Variants in DYTN observed in about 807,000 individuals in gnomAD.
DYTN encodes the protein dystrotelin.
In DYTN, 75 loss-of-function variants were observed where a neutral mutation model predicts 69.6. That is an observed-to-expected ratio of 1.08 (90% CI 0.89 to 1.31). The LOEUF is 1.31. Among genes scored for constraint, DYTN ranks in the 50% most tolerant of loss-of-function variants. DYTN has a pLI of 0.00. For missense variants in DYTN, 726 were observed against 688.4 expected, an observed-to-expected ratio of 1.05 and a Z score of -0.61; for synonymous variants, 252 against 249.1, an observed-to-expected ratio of 1.01 and a Z score of -0.11.
intron 11 of DYTN, among the ~76,000 whole-genome samples, chr2:206,657,987 A>G (rs1300837416): frequency 6.6e-6 from 1 of 152,074 alleles, no homozygotes; most frequent in Non-Finnish European, 1.5e-5. Flanking sequence ...CAACTCCCAT[A>G]TTACAAATAT....
intron 5 of DYTN, among the ~76,000 whole-genome samples, chr2:206,703,269 G>A (rs1699993547): frequency 6.6e-6 from 1 of 152,080 alleles, no homozygotes; most frequent in Non-Finnish European, 1.5e-5. Flanking sequence ...CATCACATCC[G>A]CTTCTAAGCA....
chr2:206,695,220 C>T (rs1285661452), intron 7 of DYTN, among the ~76,000 whole-genome samples: 4 of 152,062 alleles, frequency 2.6e-5, no homozygotes, highest in Non-Finnish European at 5.9e-5. Context: ...TCTGCAGCTG[C>T]GTTTTGTGCA....
rs141053628 is a variant in DYTN, at chr2:206,665,275, T to A, written c.1140+595A>T. Among the ~76,000 whole-genome samples, 4 of 152,300 alleles carry A rather than the reference T, an allele frequency of 2.6e-5. No homozygotes were observed. The East Asian group carries it at 7.7e-4, about 29-fold the overall frequency. Reference sequence around the variant, plus strand: ...CTCTTCTAAGGTTTTTAGAAAAACATATTGTTTAAAAATGTTATCTGTATA... The same window carrying A: ...CTCTTCTAAGGTTTTTAGAAAAACAAATTGTTTAAAAATGTTATCTGTATA... On this transcript the variant is annotated intron_variant, in intron 10 of 11. Coordinates refer to ENST00000452335, the MANE Select transcript of DYTN (RefSeq NM_001093730.1).
At position 206,699,797 on chromosome 2, in the gene DYTN, A is replaced by T. The variant is rs1017003617; in HGVS notation, c.649T>A (p.Ser217Thr). ...LLWLPTCHRLSAAERVTHPAR... is the reference protein window; with the variant it reads ...LLWLPTCHRLTAAERVTHPAR... ...GGGTGAGTGACCCTTTCAGCAGCTG[A>T]TAACCGGTGGCAGGTCGGGAGCCAC... is the stretch of plus-strand genomic sequence containing the variant. The change falls in exon 7 of 12, where the codon TCA (serine) becomes ACA (threonine). Residue 217 changes from serine (S) to threonine (T), a missense_variant. By Grantham distance (58) the Ser-to-Thr change is moderately conservative (BLOSUM62 1). Transcript: ENST00000452335. 7 of 1,613,886 alleles carry T rather than the reference A, an allele frequency of 4.3e-6. No individual in the cohort carries two copies. Among genetic ancestry groups the T allele is most frequent in the Non-Finnish European group, 5.9e-6 (7 of 1,179,840 alleles).
chr2:206,709,808 A>G (rs1319352098), intron 2 of DYTN, among the ~76,000 whole-genome samples: 1 of 152,240 alleles, frequency 6.6e-6, no homozygotes, highest in Non-Finnish European at 1.5e-5. Flanking sequence ...GTGAGAAATC[A>G]ATAACTTTAG....
intron 11 of DYTN, among the ~76,000 whole-genome samples, chr2:206,662,242 G>A (rs775591549): frequency 6.6e-6 from 1 of 152,184 alleles, no homozygotes; most frequent in Non-Finnish European, 1.5e-5. Context: ...TGTTTGGTAG[G>A]TTAGGTATAC....
chr2:206,665,883 C>T lies in DYTN; in HGVS notation c.1127G>A (p.Arg376Lys), dbSNP rs757571480. ...CACATTTTATACCTGTAGGTCCCGTCTTATCTGTTGTAGCTTGGTCCATAG... is the reference window on the plus strand; with the variant it reads ...CACATTTTATACCTGTAGGTCCCGTTTTATCTGTTGTAGCTTGGTCCATAG... ...DSLWTKLQQI[R>K]RDLQARLQPP... Residue 376 changes from arginine to lysine, a missense_variant, in exon 10 of 12, where the codon AGA becomes AAA. By Grantham distance (26) the Arg-to-Lys change is conservative (BLOSUM62 2). Transcript: ENST00000452335. 5.0e-6 allele frequency: 8 copies of T among 1,613,698 alleles called. No homozygotes were observed. The African/African-American group carries it at 8.0e-5, about 16-fold the overall frequency.
chr2:206,690,843 C>G (rs927282652), intron 9 of DYTN, among the ~76,000 whole-genome samples: 1 of 152,062 alleles, frequency 6.6e-6, no homozygotes, highest in African/African-American at 2.4e-5. Context: ...ATAGATCTGG[C>G]TTAGTCATAT....
At position 206,663,100 on chromosome 2, in the gene DYTN, GC is replaced by G; in HGVS notation, c.1435del (p.Ala479ProfsTer9). On this transcript the variant is annotated frameshift_variant, in exon 11 of 12. Transcript: ENST00000452335. LOFTEE classifies it high-confidence loss of function. ...TQKMPQKVIS[A>X]LPSYQEGLKQ... ...CAGTCCCTCCTGATAACTGGGTAGG[GC>G]ACTAATGACTTTCTGTGGCATCTTT... The G allele has an allele frequency of 6.2e-7, 1 of 1,613,830 alleles. No individual in the cohort carries two copies. The highest frequency in any genetic ancestry group is 8.5e-7 in the Non-Finnish European group (1 of 1,179,854).
At chr2:206,693,501 C>T (rs1699886959) in intron 8 of DYTN, among the ~76,000 whole-genome samples, 178 bp from the exon 9 acceptor site, 1 of 152,136 alleles carries the variant, frequency 6.6e-6, no homozygotes, top group Admixed American at 6.5e-5. Context: ...ATAGAAATAG[C>T]ATAAGTCTCC....
At position 206,707,434 on chromosome 2, in the gene DYTN, T is replaced by G; in HGVS notation, c.164A>C (p.His55Pro). 6.2e-7 allele frequency: 1 copy of G among 1,612,976 alleles called. No homozygotes were observed. Among genetic ancestry groups the G allele is most frequent in the Non-Finnish European group, 8.5e-7 (1 of 1,179,598 alleles). The change falls in exon 3 of 12, where the codon CAC becomes CCC. Residue 55 changes from histidine (H) to proline (P), a missense_variant. By Grantham distance (77) the His-to-Pro change is moderately conservative (BLOSUM62 -2). Coordinates refer to ENST00000452335, the MANE Select transcript of DYTN (RefSeq NM_001093730.1). Reference sequence around the variant, plus strand: ...AGAAAGTTGCTGCACAGAAAGGGAGTGCTTGCGAGCTTCCCAGAAACTTGG... The same window carrying G: ...AGAAAGTTGCTGCACAGAAAGGGAGGGCTTGCGAGCTTCCCAGAAACTTGG... ...LRPSFWEARK[H>P]SLSVQQLSQA...
At chr2:206,683,209 A>T (rs910131351) in intron 9 of DYTN, among the ~76,000 whole-genome samples, 3 of 152,102 alleles carry the variant, frequency 2.0e-5, no homozygotes, top group Non-Finnish European at 2.9e-5. Context: ...TAGCAACCAG[A>T]CTGAGAGTTT....
chr2:206,666,035 A>G lies in DYTN; in HGVS notation c.981-6T>C, dbSNP rs1186916089. 1.2e-6 allele frequency: 2 copies of G among 1,613,142 alleles called. No individual in the cohort carries two copies. Among genetic ancestry groups the G allele is most frequent in the Non-Finnish European group, 1.7e-6 (2 of 1,179,548 alleles). On this transcript the variant is annotated splice_region_variant and splice_polypyrimidine_tract_variant and intron_variant, in intron 9 of 11. Coordinates refer to ENST00000452335, the MANE Select transcript of DYTN (RefSeq NM_001093730.1). ...TTAACTGTTTTTTAAGGAGCCTGAA[A>G]AGAGAACAGATTTGAGCGGTTTGGA...
At chr2:206,655,202 T>C (rs1256801932) in intron 11 of DYTN, among the ~76,000 whole-genome samples, 1 of 152,066 alleles carries the variant, frequency 6.6e-6, no homozygotes, top group Non-Finnish European at 1.5e-5. Context: ...GTGTATTGAA[T>C]TCTGTAAAAT....
intron 1 of DYTN, among the ~76,000 whole-genome samples, chr2:206,710,815 A>T (rs536822592): frequency 4.6e-5 from 7 of 152,318 alleles, no homozygotes; most frequent in African/African-American, 1.7e-4. Flanking sequence ...GTCCACCAAA[A>T]AGTGACGGAA....
intron 5 of DYTN, chr2:206,701,307 A>G (rs138909231): frequency 6.6e-6 from 1 of 152,354 alleles, no homozygotes; most frequent in African/African-American, 2.4e-5. Context: ...GATGAAAGGA[A>G]AGGAAATCAG....
intron 9 of DYTN, among the ~76,000 whole-genome samples, chr2:206,685,986 G>GA (rs34711985): frequency 0.068 from 9,322 of 137,798 alleles, 376 homozygotes; most frequent in Non-Finnish European, 0.086. Context: ...ATAGAGTGCG[G>GA]AAAAAAAAAA....
chr2:206,706,168 G>C (rs1700023593), intron 3 of DYTN, among the ~76,000 whole-genome samples: 1 of 152,142 alleles, frequency 6.6e-6, no homozygotes, highest in African/African-American at 2.4e-5. Context: ...TGTTTTCATG[G>C]AGCAGGTAGC....
chr2:206,690,147 A>G (rs920479284), intron 9 of DYTN, among the ~76,000 whole-genome samples: 2 of 152,184 alleles, frequency 1.3e-5, no homozygotes, highest in African/African-American at 4.8e-5. Flanking sequence ...GTTGTCAGGA[A>G]AGGCCTTCAG....
Sources: allele counts gnomAD v4.1 joint callset (sites outside exome capture counted in the v4.1 genomes callset), GRCh38; gene constraint gnomAD v4.1.1; transcripts MANE v1.5; gene names NCBI Gene and HGNC (gene_info 2026-07-23, HGNC 2026-07-21).